Variants in CACNA1E observed in about 807,000 individuals in gnomAD.
The protein encoded by CACNA1E is voltage-dependent R-type calcium channel subunit alpha-1E.
Under a neutral mutation model 259.2 loss-of-function variants are expected in CACNA1E, and 40 were observed. The observed-to-expected ratio is 0.15, with a 90% CI of 0.12 to 0.20. CACNA1E has a LOEUF of 0.20. CACNA1E is among the 10% of genes least tolerant of loss of function. The pLI, the probability that CACNA1E is intolerant of heterozygous loss-of-function variation, is 1.00. For missense variants in CACNA1E, 1,874 were observed against 3,040.1 expected (o/e 0.62, Z 9.02); for synonymous variants, 1,104 against 1,138.5 (o/e 0.97, Z 0.61).
chr1:181,785,381 G>T lies in CACNA1E; in HGVS notation c.5642G>T (p.Ser1881Ile). 6.2e-7 allele frequency: 1 copy of T among 1,613,608 alleles called. No homozygotes were observed. The highest frequency in any genetic ancestry group is 8.5e-7 in the Non-Finnish European group (1 of 1,179,648). The change falls in exon 42 of 48, where the codon AGT becomes ATT. Residue 1881 changes from serine (S) to isoleucine (I), a missense_variant. This residue lies in a region of CACNA1E where 542 missense variants were observed against 587.2 expected (regional missense o/e 0.92). Transcript: ENST00000367573. ...ATGATCATGGACTACTATAAGCAGA[G>T]TAAGGTGAAGAAGCAGAGGCAGCAG... ...AMMIMDYYKQ[S>I]KVKKQRQQLE...
chr1:181,521,630 C>G (rs1572092166), intron 3 of CACNA1E, among the ~76,000 whole-genome samples: 1 of 152,228 alleles, frequency 6.6e-6, no homozygotes, highest in East Asian at 1.9e-4. Flanking sequence ...GAGATATAGC[C>G]TCTATTCATA....
At chr1:181,407,407 C>T in intron 1 of CACNA1E, among the ~76,000 whole-genome samples, 1 of 152,176 alleles carries the variant, frequency 6.6e-6, no homozygotes, top group East Asian at 1.9e-4. Context: ...ACCAACTTAG[C>T]ACAACCTCTC....
At chr1:181,601,754 G>A (rs1653767443) in intron 6 of CACNA1E, among the ~76,000 whole-genome samples, 1 of 152,062 alleles carries the variant, frequency 6.6e-6, no homozygotes, top group Non-Finnish European at 1.5e-5. Context: ...TATGATCCTG[G>A]CAGTGTAAAT....
At chr1:181,753,898 G>T (rs1432769070) in intron 27 of CACNA1E, among the ~76,000 whole-genome samples, 1 of 152,126 alleles carries the variant, frequency 6.6e-6, no homozygotes, top group Non-Finnish European at 1.5e-5. Context: ...CCAGGGCCCT[G>T]GCCCACCGCG....
intron 27 of CACNA1E, among the ~76,000 whole-genome samples, chr1:181,754,679 A>C (rs965531500): frequency 1.1e-4 from 16 of 152,242 alleles, no homozygotes; most frequent in Non-Finnish European, 2.2e-4. Flanking sequence ...GAGAACATTT[A>C]CATGAAGTGC....
At chr1:181,496,265 G>T (rs1161605227) in intron 1 of CACNA1E, among the ~76,000 whole-genome samples, 7 of 152,178 alleles carry the variant, frequency 4.6e-5, no homozygotes, top group Non-Finnish European at 1.0e-4. Flanking sequence ...CAATAATGAT[G>T]CAGAATTTTC....
intron 12 of CACNA1E, among the ~76,000 whole-genome samples, 187 bp downstream of exon 12, chr1:181,718,354 C>T (rs1440107606): frequency 6.6e-6 from 1 of 152,098 alleles, no homozygotes; most frequent in Non-Finnish European, 1.5e-5. Context: ...GTTTGTTTTT[C>T]TGAGCTCTTT....
At chr1:181,414,968 C>T (rs568027930) in intron 2 of CACNA1E, among the ~76,000 whole-genome samples, 2 of 152,312 alleles carry the variant, frequency 1.3e-5, no homozygotes, top group South Asian at 4.1e-4. Flanking sequence ...GGGTCTAATT[C>T]CCAGGGTGAC....
intron 7 of CACNA1E, among the ~76,000 whole-genome samples, chr1:181,671,869 G>A (rs1377718990): frequency 6.6e-6 from 1 of 152,174 alleles, no homozygotes; most frequent in Non-Finnish European, 1.5e-5. Context: ...ATTTGACCCA[G>A]CATTCCCATT....
At chr1:181,670,653 C>T (rs1487466850) in intron 7 of CACNA1E, among the ~76,000 whole-genome samples, 1 of 152,182 alleles carries the variant, frequency 6.6e-6, no homozygotes, top group African/African-American at 2.4e-5. Flanking sequence ...TAGCAGCTGA[C>T]ACGTCCTCAG....
chr1:181,405,955 C>G (rs914882233), intron 1 of CACNA1E, among the ~76,000 whole-genome samples: 1 of 152,202 alleles, frequency 6.6e-6, no homozygotes, highest in Non-Finnish European at 1.5e-5. Flanking sequence ...TATTGAAATA[C>G]AGCCGTATCC....
intron 6 of CACNA1E, among the ~76,000 whole-genome samples, chr1:181,649,982 C>T (rs996604848): frequency 6.6e-6 from 1 of 152,204 alleles, no homozygotes; most frequent in African/African-American, 2.4e-5. Context: ...AACAAACCTG[C>T]ACATGTACCC....
chr1:181,696,339 G>C (rs1651703582), intron 7 of CACNA1E, among the ~76,000 whole-genome samples: 1 of 152,054 alleles, frequency 6.6e-6, no homozygotes. Context: ...CAGAACACTG[G>C]TGTTTTATTC....
chr1:181,349,339 T>C lies in CACNA1E; in HGVS notation c.-15+31216T>C, dbSNP rs900495167. Among the ~76,000 whole-genome samples the C allele has an allele frequency of 3.3e-5, 5 of 152,232 alleles. 1 individual carries two copies. In the East Asian group the frequency reaches 7.7e-4, roughly 23 times the overall value. On this transcript the variant is annotated intron_variant, in intron 1 of 11. Coordinates refer to the CACNA1E transcript ENST00000524607. ...GGCAGCGATTGCTCTCACTGTGTACTGGGCTGGGGAGACTTGAGAGGAAGC... is the reference window on the plus strand; with the variant it reads ...GGCAGCGATTGCTCTCACTGTGTACCGGGCTGGGGAGACTTGAGAGGAAGC...
intron 43 of CACNA1E, among the ~76,000 whole-genome samples, chr1:181,789,521 G>A (rs1478552174): frequency 1.3e-5 from 2 of 152,260 alleles, no homozygotes; most frequent in Non-Finnish European, 2.9e-5. Flanking sequence ...CAAGAGAGCT[G>A]CTGCCCAGCC....
intron 6 of CACNA1E, among the ~76,000 whole-genome samples, chr1:181,610,259 T>C (rs1654631629): frequency 6.6e-6 from 1 of 152,182 alleles, no homozygotes; most frequent in Non-Finnish European, 1.5e-5. Flanking sequence ...TAAGTACCAA[T>C]TAGATAATTT....
rs548058757 is a variant in CACNA1E, at chr1:181,655,883, T to C, written c.1055+4442T>C. Among the ~76,000 whole-genome samples, 24 of 152,178 alleles carry C rather than the reference T, an allele frequency of 1.6e-4. 1 individual carries two copies. Among genetic ancestry groups the C allele is most frequent in the Admixed American group, 1.5e-3 (23 of 15,290 alleles). On this transcript the variant is annotated intron_variant, in intron 7 of 47. Coordinates refer to ENST00000367573, the MANE Select transcript of CACNA1E (RefSeq NM_001205293.3). ...AAACTATATACAGTCATGTGCCACA[T>C]AATGACATTTCAGTCAATGACTGAT... is the stretch of plus-strand genomic sequence containing the variant.
chr1:181,680,871 C>T (rs1164159624), intron 7 of CACNA1E, among the ~76,000 whole-genome samples: 1 of 152,174 alleles, frequency 6.6e-6, no homozygotes, highest in Non-Finnish European at 1.5e-5. Flanking sequence ...AACCTTCAGC[C>T]CTGTTGCCAT....
At chr1:181,468,268 C>T (rs542224852) in intron 2 of CACNA1E, among the ~76,000 whole-genome samples, 21 of 152,334 alleles carry the variant, frequency 1.4e-4, no homozygotes, top group African/African-American at 4.6e-4. Flanking sequence ...TCTGCCTCCA[C>T]GCATTGGGTC....
Sources: gnomAD v4.1 joint callset for allele counts (sites outside exome capture counted in the v4.1 genomes callset) on GRCh38, gnomAD v4.1.1 for gene constraint, gnomAD v4.1.1 regional missense constraint, MANE v1.5 for transcripts, NCBI Gene and HGNC (gene_info 2026-07-23, HGNC 2026-07-21) for gene names.